Variants in MYH14 observed in about 807,000 individuals in gnomAD.
MYH14 encodes myosin-14.
Under a neutral mutation model 255.5 loss-of-function variants are expected in MYH14, and 123 were observed. That is an observed-to-expected ratio of 0.48 (90% confidence interval 0.42 to 0.56). The LOEUF (loss-of-function observed/expected upper bound fraction) is 0.56. Ranked by LOEUF, MYH14 falls within the 20% of genes least tolerant of loss-of-function variation. The pLI, the probability that MYH14 is intolerant of heterozygous loss-of-function variation, is 0.00. For synonymous variants in MYH14, 1,095 were observed against 1,161.2 expected (o/e 0.94, Z 1.16); for missense variants, 2,423 against 2,802.3 (o/e 0.86, Z 3.06).
chr19:50,260,844 T>C (rs1033581379), intron 20 of MYH14, 129 bp downstream of exon 20: 3 of 712,966 alleles, frequency 4.2e-6, no homozygotes, highest in East Asian at 2.7e-5. Context: ...TGCACGTGTG[T>C]GCGTGTGTGT....
intron 12 of MYH14, among the ~76,000 whole-genome samples, chr19:50,247,836 C>T (rs1006173916): frequency 1.3e-5 from 2 of 151,896 alleles, no homozygotes; most frequent in Non-Finnish European, 2.9e-5. Flanking sequence ...GAGGCTGAGG[C>T]GGACAGATTG....
chr19:50,260,905 G>A (rs1343581936), intron 20 of MYH14, among the ~76,000 whole-genome samples, 190 bp downstream of exon 20: 7 of 151,376 alleles, frequency 4.6e-5, no homozygotes, highest in Non-Finnish European at 7.4e-5. Flanking sequence ...GTGTGCATGC[G>A]TTTGTGTGCA....
rs1192784431 is a variant in MYH14 at position 50,248,974 on chromosome 19, C to T, written c.1330-13C>T. Reference sequence around the variant, plus strand: ...GTGCAGGCTGCGCCCTTACCATGAGCCCTGTCCCACAGGCTGACTTCGCGC... The same window carrying T: ...GTGCAGGCTGCGCCCTTACCATGAGTCCTGTCCCACAGGCTGACTTCGCGC... On this transcript the variant is annotated splice_polypyrimidine_tract_variant and intron_variant, in intron 12 of 42. Coordinates refer to ENST00000642316, the MANE Select transcript of MYH14 (RefSeq NM_001145809.2). 6.2e-7 allele frequency: 1 copy of T among 1,612,828 alleles called. No individual in the cohort carries two copies.
At chr19:50,207,052 GAAAAAAAAAAAAAA>G (rs11334892) in intron 1 of MYH14, among the ~76,000 whole-genome samples, 6,426 of 39,534 alleles carry the variant, frequency 0.16, 468 homozygotes, top group African/African-American at 0.35. Flanking sequence ...GTTTCTACCA[GAAAAAAAAAAAAAA>G]AAAAAAAAAA....
At chr19:50,262,089 G>A (rs2034903505) in intron 21 of MYH14, among the ~76,000 whole-genome samples, 1 of 152,116 alleles carries the variant, frequency 6.6e-6, no homozygotes, top group South Asian at 2.1e-4. Context: ...GCAGCAAGGA[G>A]GCCCTGCTGC....
chr19:50,222,718 C>T (rs142614246), intron 3 of MYH14, among the ~76,000 whole-genome samples: 6 of 152,148 alleles, frequency 3.9e-5, no homozygotes, highest in Non-Finnish European at 7.4e-5. Context: ...GGGTAGACAT[C>T]TTATATTACA....
chr19:50,275,121 C>T (rs915525407), intron 27 of MYH14, among the ~76,000 whole-genome samples: 8 of 152,146 alleles, frequency 5.3e-5, no homozygotes, highest in Admixed American at 1.3e-4. Context: ...GAGTGTTCAT[C>T]GTCATGTCCT....
At position 50,280,779 on chromosome 19, in the gene MYH14, A is replaced by G. The variant is rs2123421398; in HGVS notation, c.4290+396A>G. ...TCTCCCACGCCTCCCCAGTACTCCT[A>G]GACAAAGTCCATGCCTCTCAGTCAG... On this transcript the variant is annotated intron_variant, in intron 32 of 42. Transcript: ENST00000642316. The surrounding 1 kb of genome is among the most constrained non-coding windows in gnomAD (Gnocchi z 4.8). 6.6e-6 allele frequency among the ~76,000 whole-genome samples: 1 copy of G among 152,254 alleles called. No individual in the cohort carries two copies. Among genetic ancestry groups the G allele is most frequent in the Non-Finnish European group, 1.5e-5 (1 of 68,014 alleles).
rs377096949 is a variant in MYH14 at position 50,293,670 on chromosome 19, C to T, written c.5452C>T (p.Arg1818Cys). The T allele has an allele frequency of 7.4e-5, 117 of 1,587,972 alleles. No individual in the cohort carries two copies. The East Asian group carries it at 9.4e-4, about 13-fold the overall frequency. The change falls in exon 39 of 43, where the codon CGC becomes TGC. Residue 1818 changes from arginine (R) to cysteine (C), a missense_variant. Transcript: ENST00000642316. This position sits in a 1 kb window ranked among gnomAD's most constrained non-coding sequence, Gnocchi z 4.1. Reference sequence around the variant, plus strand: ...CTCGGAGCTGCTCAATGACCGCTACCGCAAGCTGCTCCTGCAGGTGAGCGT... The same window carrying T: ...CTCGGAGCTGCTCAATGACCGCTACTGCAAGCTGCTCCTGCAGGTGAGCGT... ...SNSELLNDRY[R>C]KLLLQVESLT...
chr19:50,279,351 G>C (rs1392343970), intron 30 of MYH14, among the ~76,000 whole-genome samples: 1 of 152,148 alleles, frequency 6.6e-6, no homozygotes, highest in Admixed American at 6.5e-5. Context: ...TAAAACACCA[G>C]CTGGGTGCAG....
intron 39 of MYH14, among the ~76,000 whole-genome samples, chr19:50,296,719 C>T (rs894928007): frequency 2.6e-5 from 4 of 152,182 alleles, no homozygotes; most frequent in Admixed American, 2.0e-4. Flanking sequence ...TTTGCGATAC[C>T]CATTAGCAGG....
chr19:50,254,363 T>C (rs991968582), intron 16 of MYH14, among the ~76,000 whole-genome samples: 2 of 152,208 alleles, frequency 1.3e-5, no homozygotes, highest in Non-Finnish European at 2.9e-5. Flanking sequence ...ATGTCTCATA[T>C]AGTATTTACA....
chr19:50,213,313 C>G (rs1294973576), intron 2 of MYH14, among the ~76,000 whole-genome samples: 3 of 152,162 alleles, frequency 2.0e-5, no homozygotes, highest in Non-Finnish European at 4.4e-5. Context: ...CTGCTGTCAT[C>G]CCCGCTCTGC....
intron 11 of MYH14, among the ~76,000 whole-genome samples, chr19:50,245,886 C>A (rs11879722): frequency 0.42 from 62,924 of 151,054 alleles, 13,862 homozygotes; most frequent in Middle Eastern, 0.52. Flanking sequence ...TGAATGCTTT[C>A]GGGATAACTT....
intron 8 of MYH14, among the ~76,000 whole-genome samples, chr19:50,228,361 C>T (rs534842149): frequency 5.9e-5 from 9 of 151,926 alleles, no homozygotes; most frequent in African/African-American, 9.7e-5. Context: ...TTGATAATTA[C>T]TAATCAATAA....
At chr19:50,264,606 G>A (rs2035014762) in intron 22 of MYH14, among the ~76,000 whole-genome samples, 1 of 152,246 alleles carries the variant, frequency 6.6e-6, no homozygotes, top group Non-Finnish European at 1.5e-5. Context: ...AGTGTTCTGC[G>A]TCTCCCGCTT....
chr19:50,280,081 C>T lies in MYH14; in HGVS notation c.4077C>T (p.Ser1359=). The part of the protein sequence containing the change: ...NVSGALNEAE[S]KTIRLSKELS... ...CTGGGGCGCTGAACGAGGCTGAGTC[C>T]AAAACCATCCGTCTTAGCAAGGAGC... The change falls in exon 31 of 43, where the codon TCC becomes TCT. Residue 1359 remains serine, a synonymous_variant. Coordinates refer to ENST00000642316, the MANE Select transcript of MYH14 (RefSeq NM_001145809.2). The surrounding 1 kb of genome is among the most constrained non-coding windows in gnomAD (Gnocchi z 4.8). 1 of 1,610,928 alleles carries T rather than the reference C, an allele frequency of 6.2e-7. No homozygotes were observed. Among genetic ancestry groups the T allele is most frequent in the Non-Finnish European group, 8.5e-7 (1 of 1,178,672 alleles).
intron 12 of MYH14, 75 bp downstream of exon 12, chr19:50,247,197 T>A: frequency 1.9e-6 from 2 of 1,031,524 alleles, no homozygotes; most frequent in Non-Finnish European, 1.5e-6. Context: ...CAGTGTATGC[T>A]GTTTTTCCCA....
chr19:50,214,866 C>A (rs889183974), intron 2 of MYH14, among the ~76,000 whole-genome samples: 3 of 152,092 alleles, frequency 2.0e-5, no homozygotes, highest in Admixed American at 6.5e-5. Flanking sequence ...CCATATCTGG[C>A]GTGTGTTGCA....
Sources: allele counts gnomAD v4.1 joint callset (sites outside exome capture counted in the v4.1 genomes callset), GRCh38; gene constraint gnomAD v4.1.1; non-coding constraint Gnocchi (gnomAD v3.1); transcripts MANE v1.5; gene names NCBI Gene and HGNC (gene_info 2026-07-23, HGNC 2026-07-21).